Variants in CSMD1 observed in about 807,000 individuals in gnomAD.
CSMD1 encodes CUB and sushi domain-containing protein 1.
A neutral mutation model predicts 417.5 loss-of-function variants in CSMD1; 213 were observed. The ratio of observed to expected loss-of-function variants is 0.51; its 90% CI spans 0.46 to 0.57. The LOEUF is 0.57. Among genes scored for constraint, CSMD1 ranks in the 20% least tolerant of loss-of-function variants. The pLI is 0.00. For missense variants in CSMD1, 6,923 were observed against 4,529.7 expected (o/e 1.53, Z -15.17); for synonymous variants, 2,862 against 1,736.8 (o/e 1.65, Z -16.11).
At chr8:4,111,988 A>C (rs1009946422) in intron 3 of CSMD1, among the ~76,000 whole-genome samples, 1 of 151,590 alleles carries the variant, frequency 6.6e-6, no homozygotes. Context: ...TTATTGTATT[A>C]TTTTGTTTAT....
intron 12 of CSMD1, among the ~76,000 whole-genome samples, chr8:3,441,995 G>A (rs570211961): frequency 6.6e-6 from 1 of 152,068 alleles, no homozygotes; most frequent in East Asian, 1.9e-4. Flanking sequence ...GCGGAAGACA[G>A]TGTGTAGGCC....
chr8:3,748,912 T>A (rs898384266), intron 6 of CSMD1, among the ~76,000 whole-genome samples: 3 of 152,232 alleles, frequency 2.0e-5, no homozygotes, highest in African/African-American at 7.2e-5. Flanking sequence ...AGATGAATGT[T>A]CCCTATAAAA....
chr8:4,321,234 C>A (rs1273960953), intron 3 of CSMD1, among the ~76,000 whole-genome samples: 1 of 152,080 alleles, frequency 6.6e-6, no homozygotes, highest in East Asian at 1.9e-4. Context: ...TGAGGCGTGC[C>A]TACAGCTAGT....
At chr8:4,191,584 G>C (rs1450594349) in intron 3 of CSMD1, among the ~76,000 whole-genome samples, 1 of 151,984 alleles carries the variant, frequency 6.6e-6, no homozygotes, top group Non-Finnish European at 1.5e-5. Context: ...ATGAATCACT[G>C]TTCTTCAGCT....
chr8:3,221,611 T>C (rs1341696982), intron 28 of CSMD1, among the ~76,000 whole-genome samples: 2 of 152,114 alleles, frequency 1.3e-5, no homozygotes, highest in African/African-American at 2.4e-5. Flanking sequence ...CCAAAATTCA[T>C]GCGTAGAAGT....
At chr8:3,011,419 A>C (rs538101210) in intron 52 of CSMD1, among the ~76,000 whole-genome samples, 5 of 152,270 alleles carry the variant, frequency 3.3e-5, no homozygotes, top group Admixed American at 6.5e-5. Flanking sequence ...TTTTATGTGG[A>C]TCTTTCCAAA....
At chr8:3,298,635 A>T (rs11774616) in intron 25 of CSMD1, among the ~76,000 whole-genome samples, 82,037 of 152,002 alleles carry the variant, frequency 0.54, 23,213 homozygotes, top group Middle Eastern at 0.63. Flanking sequence ...TTAATTTTTA[A>T]TAGAGACGGA....
chr8:4,444,340 C>G (rs1448257621), intron 2 of CSMD1, among the ~76,000 whole-genome samples: 1 of 75,584 alleles, frequency 1.3e-5, no homozygotes, highest in South Asian at 5.5e-4. Context: ...GAGTGAGACT[C>G]CATCTCAAAA....
chr8:4,686,981 G>T (rs573370096), intron 1 of CSMD1, among the ~76,000 whole-genome samples: 2 of 152,344 alleles, frequency 1.3e-5, no homozygotes, highest in East Asian at 3.9e-4. Flanking sequence ...ACACAGGGAG[G>T]TGGCAAGACC....
rs189739971 is a variant in CSMD1, at chr8:4,225,408, G to A, written c.416-193309C>T. On this transcript the variant is annotated intron_variant, in intron 3 of 69. Coordinates refer to ENST00000635120, the MANE Select transcript of CSMD1 (RefSeq NM_033225.6). ...TGAATTTCTAGTTCGTAAGCCTCTA[G>A]ATAAGAACATTTTCATACATTATTC... 6.1e-4 allele frequency among the ~76,000 whole-genome samples: 93 copies of A among 151,586 alleles called. No homozygotes were observed. The Middle Eastern group carries it at 0.01, about 17-fold the overall frequency.
intron 1 of CSMD1, among the ~76,000 whole-genome samples, chr8:4,775,707 G>A (rs925992785): frequency 4.6e-5 from 7 of 152,152 alleles, no homozygotes; most frequent in Non-Finnish European, 1.0e-4. Context: ...CGTCTGTCAT[G>A]GCCCACGTGG....
chr8:4,677,820 G>C, intron 1 of CSMD1, among the ~76,000 whole-genome samples: 1 of 152,110 alleles, frequency 6.6e-6, no homozygotes, highest in East Asian at 1.9e-4. Flanking sequence ...GAACAAAAAG[G>C]AGGCAAGGAT....
intron 3 of CSMD1, among the ~76,000 whole-genome samples, chr8:4,252,260 T>A (rs545575228): frequency 2.6e-5 from 4 of 152,232 alleles, no homozygotes; most frequent in Admixed American, 6.5e-5. Flanking sequence ...TTCAGCCTTC[T>A]GCCCATCTTT....
chr8:4,920,376 T>A (rs574477152), intron 1 of CSMD1, among the ~76,000 whole-genome samples: 26 of 151,494 alleles, frequency 1.7e-4, no homozygotes, highest in African/African-American at 6.1e-4. Context: ...AAAATGCATA[T>A]GGAAATGCTG....
At chr8:3,067,405 T>A (rs1275214107) in intron 49 of CSMD1, among the ~76,000 whole-genome samples, 1 of 152,124 alleles carries the variant, frequency 6.6e-6, no homozygotes, top group Non-Finnish European at 1.5e-5. Context: ...GGCTCATGCT[T>A]CTTTCAAGTT....
chr8:4,805,262 C>G (rs915422894), intron 1 of CSMD1, among the ~76,000 whole-genome samples: 7 of 152,174 alleles, frequency 4.6e-5, no homozygotes, highest in Admixed American at 1.3e-4. Context: ...CCATCTCTTT[C>G]ATGGATGTAT....
intron 5 of CSMD1, among the ~76,000 whole-genome samples, chr8:3,895,368 A>G (rs912499088): frequency 6.6e-6 from 1 of 152,170 alleles, no homozygotes; most frequent in Non-Finnish European, 1.5e-5. Context: ...CACAAGGGAA[A>G]TATTTTATAT....
At chr8:4,806,964 A>G (rs1211939682) in intron 1 of CSMD1, among the ~76,000 whole-genome samples, 1 of 152,200 alleles carries the variant, frequency 6.6e-6, no homozygotes, top group Non-Finnish European at 1.5e-5. Context: ...TCTATGTGGC[A>G]TTTTGATTTT....
chr8:4,412,119 A>G lies in CSMD1; in HGVS notation c.415+7834T>C, dbSNP rs185137998. On this transcript the variant is annotated intron_variant, in intron 3 of 69. Transcript: ENST00000635120. ...CGTGCGTGTGTGTGCATGTGTGTTT[A>G]GCCAGGGCAAATGATTAGCTAAATA... is the stretch of plus-strand genomic sequence containing the variant. 1.8e-4 allele frequency among the ~76,000 whole-genome samples: 27 copies of G among 152,142 alleles called. No individual in the cohort carries two copies. In the East Asian group the frequency reaches 4.3e-3, roughly 24 times the overall value.
Sources: allele counts gnomAD v4.1 joint callset (sites outside exome capture counted in the v4.1 genomes callset), GRCh38; gene constraint gnomAD v4.1.1; transcripts MANE v1.5; gene names NCBI Gene and HGNC (gene_info 2026-07-23, HGNC 2026-07-21).